The following TENM1 variants were observed in gnomAD, a reference collection of about 807,000 sequenced individuals.
TENM1 encodes the protein teneurin-1.
In TENM1, 35 loss-of-function variants were observed where a neutral mutation model predicts 174.8. The ratio of observed to expected loss-of-function variants is 0.20; its 90% CI spans 0.15 to 0.27. The LOEUF (loss-of-function observed/expected upper bound fraction) is 0.27. Ranked by LOEUF, TENM1 falls within the 10% of genes least tolerant of loss-of-function variation. The pLI is 1.00. For missense variants in TENM1, 1,633 were observed against 2,130.1 expected, an observed-to-expected ratio of 0.77 and a Z score of 4.59; for synonymous variants, 781 against 798.7, an observed-to-expected ratio of 0.98 and a Z score of 0.37.
At chrX:124,462,156 G>T (rs5958494) in intron 22 of TENM1, among the ~76,000 whole-genome samples, 8,687 of 109,944 alleles carry the variant, frequency 0.079, 896 homozygotes, top group African/African-American at 0.27. Context: ...AGAAGTAATG[G>T]ATGCGACTTC....
At chrX:124,838,468 G>T (rs764922957) in intron 3 of TENM1, among the ~76,000 whole-genome samples, 2 of 111,630 alleles carry the variant, frequency 1.8e-5, no homozygotes, top group East Asian at 5.6e-4. Context: ...ACTGAGACAA[G>T]ATATTTTCAA....
intron 11 of TENM1, among the ~76,000 whole-genome samples, chrX:124,582,745 G>C (rs1342102846): frequency 8.9e-6 from 1 of 111,972 alleles, no homozygotes; most frequent in African/African-American, 3.3e-5. Context: ...TGCCTCACTC[G>C]GGAAGTGCAA....
intron 11 of TENM1, among the ~76,000 whole-genome samples, chrX:124,635,795 T>C (rs1339424286): frequency 8.9e-6 from 1 of 112,559 alleles, no homozygotes; most frequent in Non-Finnish European, 1.9e-5. Context: ...ACCCTTAGAA[T>C]AGGCTAAATG....
Position 124,665,317 on chromosome X carries a change from G to A in TENM1, c.1168+6366C>T, listed in dbSNP as rs188317850. ...ATTGCGCCATTGCACTCCAGCCTGG[G>A]CAACAAGAGCAAAACTCCGTCTCAA... On this transcript the variant is annotated intron_variant, in intron 6 of 31. Coordinates refer to ENST00000422452, the Ensembl canonical transcript of TENM1. Among the ~76,000 whole-genome samples the A allele has an allele frequency of 4.8e-3, 538 of 111,358 alleles. 3 individuals are homozygous for A. Among genetic ancestry groups the A allele is most frequent in the African/African-American group, 0.017 (506 of 30,634 alleles).
intron 5 of TENM1, among the ~76,000 whole-genome samples, chrX:124,687,290 C>T (rs756865035): frequency 9.0e-6 from 1 of 111,642 alleles, no homozygotes; most frequent in East Asian, 2.8e-4. Flanking sequence ...ATATCTACAA[C>T]CATCTGATCT....
chrX:124,741,530 C>A (rs751216277), intron 3 of TENM1, among the ~76,000 whole-genome samples: 3 of 110,247 alleles, frequency 2.7e-5, no homozygotes, highest in Non-Finnish European at 5.7e-5. Flanking sequence ...TAATCAATGA[C>A]GCATTAAAAA....
intron 3 of TENM1, among the ~76,000 whole-genome samples, chrX:124,886,657 AAC>A (rs1353659111): frequency 1.5e-4 from 15 of 103,150 alleles, no homozygotes; most frequent in Non-Finnish European, 9.9e-5. Context: ...ACACACACAC[AAC>A]ACACACACAA....
intron 3 of TENM1, among the ~76,000 whole-genome samples, chrX:124,775,922 G>A (rs780597817): frequency 1.8e-5 from 2 of 111,638 alleles, no homozygotes; most frequent in South Asian, 7.6e-4. Flanking sequence ...GCCTACTGTG[G>A]GAATTGTGTA....
chrX:124,817,651 T>A (rs1258672730), intron 3 of TENM1, among the ~76,000 whole-genome samples: 1 of 111,881 alleles, frequency 8.9e-6, no homozygotes, highest in Non-Finnish European at 1.9e-5. Flanking sequence ...AGCAGTTAAA[T>A]GACAGAACAA....
At chrX:125,112,552 T>C in the TENM1 span, among the ~76,000 whole-genome samples, 10 of 111,036 alleles carry the variant, frequency 9.0e-5, no homozygotes, top group Non-Finnish European at 1.9e-4. Flanking sequence ...AAGACATTGA[T>C]ATAAAAAGCT....
At chrX:124,758,302 A>T (rs2054318480) in intron 3 of TENM1, among the ~76,000 whole-genome samples, 1 of 112,028 alleles carries the variant, frequency 8.9e-6, no homozygotes, top group African/African-American at 3.2e-5. Flanking sequence ...AATGTCACTA[A>T]TCATCAGCGT....
chrX:125,167,990 T>C, the TENM1 span, among the ~76,000 whole-genome samples: 1 of 111,555 alleles, frequency 9.0e-6, no homozygotes, highest in Non-Finnish European at 1.9e-5. Context: ...CAAACCTACT[T>C]ATACTGCTTT....
intron 11 of TENM1, among the ~76,000 whole-genome samples, chrX:124,589,658 C>A (rs747034029): frequency 2.3e-4 from 26 of 110,827 alleles, no homozygotes; most frequent in African/African-American, 6.5e-4. Context: ...TTATGTTTTT[C>A]CAGTAATGTA....
intron 11 of TENM1, among the ~76,000 whole-genome samples, chrX:124,618,750 T>C (rs904474959): frequency 2.7e-5 from 3 of 112,119 alleles, no homozygotes; most frequent in African/African-American, 6.5e-5. Context: ...GTTTTACTCA[T>C]GTTTGTTTTT....
At chrX:124,749,607 T>G (rs902549759) in intron 3 of TENM1, among the ~76,000 whole-genome samples, 4 of 112,029 alleles carry the variant, frequency 3.6e-5, no homozygotes, top group Admixed American at 1.9e-4. Context: ...GTTTGAAGTG[T>G]CAGGAATGCT....
At chrX:124,605,202 C>T (rs2050123438) in intron 11 of TENM1, among the ~76,000 whole-genome samples, 1 of 99,964 alleles carries the variant, frequency 1.0e-5, no homozygotes, top group African/African-American at 3.7e-5. Context: ...TTCAATACTG[C>T]TTTCACCATA....
chrX:125,104,983 C>T, the TENM1 span, among the ~76,000 whole-genome samples: 6 of 111,516 alleles, frequency 5.4e-5, no homozygotes, highest in African/African-American at 1.6e-4. Context: ...GGATTTGCCA[C>T]ATTCATTCAT....
the TENM1 span, among the ~76,000 whole-genome samples, chrX:125,196,675 G>A: frequency 8.9e-6 from 1 of 111,921 alleles, no homozygotes; most frequent in Non-Finnish European, 1.9e-5. Context: ...TGTAGTTATA[G>A]TGTATTTATA....
intron 3 of TENM1, among the ~76,000 whole-genome samples, chrX:124,869,751 T>C (rs2057074386): frequency 9.2e-6 from 1 of 109,201 alleles, no homozygotes; most frequent in African/African-American, 3.3e-5. Context: ...ACTTCTCACT[T>C]GTTTGTAGGA....
Sources: allele counts gnomAD v4.1 joint callset (sites outside exome capture counted in the v4.1 genomes callset), GRCh38; gene constraint gnomAD v4.1.1; transcripts MANE v1.5; gene names NCBI Gene and HGNC (gene_info 2026-07-23, HGNC 2026-07-21).